MDN1: variants seen among roughly 807,000 people sequenced by gnomAD.
The protein encoded by MDN1 is midasin.
In MDN1, 266 loss-of-function variants were observed where a neutral mutation model predicts 669.2. That is an observed-to-expected ratio of 0.40 (90% CI 0.36 to 0.44). The LOEUF is 0.44. Ranked by LOEUF, MDN1 falls within the 20% of genes least tolerant of loss-of-function variation. The probability of loss-of-function intolerance (pLI) is 1.00; values close to 1 mark genes in which losing one functional copy is unlikely to be tolerated. For synonymous variants in MDN1, 2,385 were observed against 2,457.1 expected (o/e 0.97, Z 0.87); for missense variants, 5,940 against 6,754.0 (o/e 0.88, Z 4.22).
intron 49 of MDN1, among the ~76,000 whole-genome samples, chr6:89,711,271 GC>G (rs1385471128): frequency 6.6e-6 from 1 of 151,968 alleles, no homozygotes; most frequent in African/African-American, 2.4e-5. Context: ...AGTACAGGTG[GC>G]CCTCCATATC....
At chr6:89,716,903 G>A (rs1171950104) in intron 43 of MDN1, 94 bp from the exon 44 acceptor site, 4 of 1,304,452 alleles carry the variant, frequency 3.1e-6, no homozygotes, top group South Asian at 3.3e-5. Context: ...TTCTAGCCAA[G>A]GTTTTTAAGA....
At chr6:89,685,653 T>C (rs967325111) in intron 70 of MDN1, among the ~76,000 whole-genome samples, 174 bp downstream of exon 70, 5 of 152,198 alleles carry the variant, frequency 3.3e-5, no homozygotes, top group African/African-American at 1.2e-4. Flanking sequence ...TATAACCATC[T>C]GCACCTCACT....
At chr6:89,700,893 C>T (rs759176091) in intron 55 of MDN1, 37 bp from the exon 56 acceptor site, 3 of 1,585,906 alleles carry the variant, frequency 1.9e-6, no homozygotes, top group Non-Finnish European at 2.6e-6. Context: ...TACTATAGAG[C>T]ACAAATGTGG....
intron 76 of MDN1, among the ~76,000 whole-genome samples, chr6:89,676,569 G>A (rs1345107886): frequency 2.0e-5 from 3 of 152,158 alleles, no homozygotes; most frequent in Non-Finnish European, 4.4e-5. Flanking sequence ...ACCTCAACGT[G>A]GGGAAGACAC....
At chr6:89,749,491 TCTA>T in intron 25 of MDN1, 49 bp downstream of exon 25, 1 of 1,598,148 alleles carries the variant, frequency 6.3e-7, no homozygotes, top group East Asian at 2.2e-5. Context: ...CTACGAAAAA[TCTA>T]CTATCTGATG....
intron 63 of MDN1, among the ~76,000 whole-genome samples, chr6:89,691,228 G>C (rs188672200): frequency 6.6e-6 from 1 of 152,196 alleles, no homozygotes; most frequent in African/African-American, 2.4e-5. Context: ...GTTCAGAAAA[G>C]AAACACTTAG....
chr6:89,707,476 C>G lies in MDN1; in HGVS notation c.7899G>C (p.Lys2633Asn). The change falls in exon 52 of 102, where the codon AAG becomes AAC. Residue 2633 changes from lysine to asparagine, a missense_variant and splice_region_variant. Lys to Asn is a moderately conservative substitution (Grantham distance 94). Transcript: ENST00000369393. ...LFALLESAAN[K>N]TIIYLDREKR... The stretch of plus-strand genomic sequence containing the variant: ...TTTCCCGGTCAAGATATATGATTGT[C>G]CTGGAATGAGATTCAAAAAACGTAA... 2 of 1,592,742 alleles carry G rather than the reference C, an allele frequency of 1.3e-6. No homozygotes were observed. Among genetic ancestry groups the G allele is most frequent in the Non-Finnish European group, 1.7e-6 (2 of 1,160,748 alleles).
In MDN1 at chr6:89,731,803, C is replaced by T. The variant is rs796968161; in HGVS notation, c.4942+754G>A. ...ATTCTTTAATTCATAGTACCGCCCCCCCCCCCCACCTTTTCCTTTTTCTCC... is the reference window on the plus strand; with the variant it reads ...ATTCTTTAATTCATAGTACCGCCCCTCCCCCCCACCTTTTCCTTTTTCTCC... On this transcript the variant is annotated intron_variant, in intron 34 of 101. Coordinates refer to ENST00000369393, the MANE Select transcript of MDN1 (RefSeq NM_014611.3). 7.5e-3 allele frequency among the ~76,000 whole-genome samples: 1,092 copies of T among 144,826 alleles called. 49 individuals carry two copies. The highest frequency in any genetic ancestry group is 0.058 in the Admixed American group (839 of 14,552).
chr6:89,704,034 T>C (rs934648311), intron 53 of MDN1, among the ~76,000 whole-genome samples: 17 of 144,556 alleles, frequency 1.2e-4, no homozygotes, highest in Non-Finnish European at 2.1e-4. Flanking sequence ...AAAAAAAAAA[T>C]TGAGGATATA....
intron 1 of MDN1, among the ~76,000 whole-genome samples, chr6:89,818,679 G>A (rs528746612): frequency 1.3e-5 from 2 of 151,848 alleles, no homozygotes; most frequent in East Asian, 2.0e-4. Context: ...GCATGGTGGC[G>A]CTCGCCTGTA....
At chr6:89,728,800 C>CAAAGA (rs374792789) in intron 36 of MDN1, 131 bp downstream of exon 36, 38 of 992,578 alleles carry the variant, frequency 3.8e-5, no homozygotes, top group African/African-American at 2.4e-4. Context: ...CTCAAAAAAA[C>CAAAGA]AAAGAAAAGA....
chr6:89,688,479 A>G, intron 66 of MDN1, 94 bp downstream of exon 66: 1 of 1,135,566 alleles, frequency 8.8e-7, no homozygotes, highest in Non-Finnish European at 1.3e-6. Flanking sequence ...ATATGTATAT[A>G]TGTGCAAGTG....
chr6:89,658,284 A>T lies in MDN1; in HGVS notation c.15108T>A (p.Thr5036=), dbSNP rs542041407. The change falls in exon 90 of 102, where the codon ACT becomes ACA. Residue 5036 remains threonine (T), a synonymous_variant. Coordinates refer to ENST00000369393, the MANE Select transcript of MDN1 (RefSeq NM_014611.3). ...GTGTGTTCTGCATGTTCTCCACACC[A>T]GTCTGCCCACAGGAGGCATGCTCCT... ...ERKEHASCGQ[T]GVENMQNTQA... 1.4e-5 allele frequency: 23 copies of T among 1,614,178 alleles called. No homozygotes were observed. The South Asian group carries it at 2.4e-4, about 17-fold the overall frequency.
chr6:89,763,821 C>T (rs927782397), intron 15 of MDN1, among the ~76,000 whole-genome samples: 6 of 151,970 alleles, frequency 3.9e-5, no homozygotes, highest in Non-Finnish European at 1.5e-5. Context: ...GAGTCCAGTT[C>T]CAAAGAAAAA....
intron 21 of MDN1, 73 bp downstream of exon 21, chr6:89,754,010 T>C: frequency 1.3e-6 from 2 of 1,493,296 alleles, no homozygotes; most frequent in African/African-American, 1.4e-5. Context: ...ACCTGGCATA[T>C]GCATCCCTAT....
Position 89,766,282 on chromosome 6 carries a change from G to C in MDN1, c.2145-3752C>G, listed in dbSNP as rs1817796111. On this transcript the variant is annotated intron_variant, in intron 15 of 101. Coordinates refer to ENST00000369393, the MANE Select transcript of MDN1 (RefSeq NM_014611.3). ...CTGCTGCACTCCAGCCTGGGCGACA[G>C]AGTTAGACTCCATCTCAAAAAAAAA... 2.7e-5 allele frequency among the ~76,000 whole-genome samples: 4 copies of C among 150,744 alleles called. No homozygotes were observed. The South Asian group carries it at 8.4e-4, about 31-fold the overall frequency.
intron 50 of MDN1, 144 bp from the exon 51 acceptor site, chr6:89,708,772 G>A: frequency 2.4e-6 from 2 of 841,868 alleles, no homozygotes; most frequent in South Asian, 3.4e-5. Context: ...AATACCATGA[G>A]TTTCATCCCA....
intron 1 of MDN1, among the ~76,000 whole-genome samples, chr6:89,809,487 C>G (rs1393131117): frequency 2.0e-5 from 3 of 151,732 alleles, no homozygotes; most frequent in Non-Finnish European, 4.4e-5. Flanking sequence ...AAAAGTTAGC[C>G]AGGCTTGGCT....
chr6:89,731,199 C>G (rs1442770173), intron 34 of MDN1, among the ~76,000 whole-genome samples: 2 of 152,178 alleles, frequency 1.3e-5, no homozygotes, highest in Non-Finnish European at 2.9e-5. Context: ...GCACTAGTAA[C>G]CATTTTTATT....
Sources: allele counts gnomAD v4.1 joint callset (sites outside exome capture counted in the v4.1 genomes callset), GRCh38; gene constraint gnomAD v4.1.1; transcripts MANE v1.5; gene names NCBI Gene and HGNC (gene_info 2026-07-23, HGNC 2026-07-21).